The following KAZN variants were observed in gnomAD, a reference collection of about 807,000 sequenced individuals.
KAZN encodes kazrin.
KAZN carries 40 observed loss-of-function variants against 87.4 expected under a neutral mutation model. That is an observed-to-expected ratio of 0.46 (90% confidence interval 0.36 to 0.60). The LOEUF is 0.60. Ranked by LOEUF, KAZN falls within the 20% of genes least tolerant of loss-of-function variation. KAZN has a pLI of 0.00. For synonymous variants in KAZN, 466 were observed against 458.3 expected (o/e 1.02, Z -0.22); for missense variants, 898 against 1,073.9 (o/e 0.84, Z 2.29).
At chr1:14,358,042 C>T (rs1659184837) in intron 2 of KAZN, among the ~76,000 whole-genome samples, 1 of 152,298 alleles carries the variant, frequency 6.6e-6, no homozygotes, top group East Asian at 1.9e-4. Flanking sequence ...AGCTGTGAAT[C>T]CATCTGCTCC....
intron 1 of KAZN, among the ~76,000 whole-genome samples, chr1:14,123,034 A>G (rs1570791474): frequency 6.6e-6 from 1 of 152,308 alleles, no homozygotes; most frequent in Non-Finnish European, 1.5e-5. Context: ...AAAATCCAGA[A>G]AAGATGTAAA....
At chr1:14,989,643 C>T (rs1278598419) in intron 2 of KAZN, among the ~76,000 whole-genome samples, 1 of 152,184 alleles carries the variant, frequency 6.6e-6, no homozygotes, top group Non-Finnish European at 1.5e-5. Context: ...TACTCAGCCC[C>T]TCTGTGACTC....
At chr1:14,705,083 G>T (rs1039817752) in intron 1 of KAZN, among the ~76,000 whole-genome samples, 1 of 152,146 alleles carries the variant, frequency 6.6e-6, no homozygotes, top group Non-Finnish European at 1.5e-5. Flanking sequence ...GAGGCTGAAG[G>T]TCCAAGATCA....
chr1:14,221,064 C>T (rs563376763), intron 2 of KAZN, among the ~76,000 whole-genome samples: 3 of 152,242 alleles, frequency 2.0e-5, no homozygotes, highest in African/African-American at 7.2e-5. Context: ...AAGGAGTTCA[C>T]TGTCTAGGTC....
Position 14,066,138 on chromosome 1 carries a change from G to A in KAZN, c.92-114297G>A, listed in dbSNP as rs539912758. On this transcript the variant is annotated intron_variant, in intron 1 of 16. Coordinates refer to the KAZN transcript ENST00000636203. ...AATAATGGCCTCCAGCTACATCCAA[G>A]TTGCTGCAAACATCATTATTTCATC... Among the ~76,000 whole-genome samples, 7 of 152,190 alleles carry A rather than the reference G, an allele frequency of 4.6e-5. 1 individual carries two copies. In the South Asian group the frequency reaches 1.5e-3, roughly 32 times the overall value.
chr1:15,082,901 GCTGGT>G (rs940306437), intron 8 of KAZN, among the ~76,000 whole-genome samples: 1 of 152,118 alleles, frequency 6.6e-6, no homozygotes, highest in African/African-American at 2.4e-5. Context: ...TGTTGGCTAG[GCTGGT>G]CTCGAACTCC....
intron 1 of KAZN, among the ~76,000 whole-genome samples, chr1:14,114,148 A>G (rs1307544763): frequency 6.6e-6 from 1 of 152,234 alleles, no homozygotes; most frequent in Non-Finnish European, 1.5e-5. Context: ...GCAGAGCTGC[A>G]TGGGAAGCAT....
At chr1:14,410,659 A>G (rs1268212562) in intron 2 of KAZN, among the ~76,000 whole-genome samples, 2 of 152,226 alleles carry the variant, frequency 1.3e-5, no homozygotes, top group Non-Finnish European at 2.9e-5. Context: ...CCTGAATACA[A>G]TCAGAACTGT....
intron 1 of KAZN, among the ~76,000 whole-genome samples, chr1:14,852,604 T>C (rs1443371399): frequency 6.6e-6 from 1 of 152,144 alleles, no homozygotes; most frequent in African/African-American, 2.4e-5. Context: ...TGGGCGGACT[T>C]CCAAAGGGCC....
At chr1:14,248,785 G>A (rs929259315) in intron 2 of KAZN, among the ~76,000 whole-genome samples, 4 of 152,218 alleles carry the variant, frequency 2.6e-5, no homozygotes, top group African/African-American at 7.2e-5. Context: ...TCAAGGCAGT[G>A]TTGTAAAGAG....
chr1:14,738,999 C>T (rs550715483), intron 1 of KAZN, among the ~76,000 whole-genome samples: 1 of 152,200 alleles, frequency 6.6e-6, no homozygotes, highest in African/African-American at 2.4e-5. Context: ...CTAGTGAAAC[C>T]TCATCTCTAT....
At chr1:14,656,500 A>G (rs578141210) in intron 1 of KAZN, among the ~76,000 whole-genome samples, 180 of 152,326 alleles carry the variant, frequency 1.2e-3, no homozygotes, top group Non-Finnish European at 1.9e-3. Context: ...CTCACATTGT[A>G]TTAGTCCGTT....
At chr1:13,936,436 T>G (rs933495936) in intron 1 of KAZN, among the ~76,000 whole-genome samples, 3 of 152,102 alleles carry the variant, frequency 2.0e-5, no homozygotes, top group Non-Finnish European at 4.4e-5. Context: ...ATATATTGTG[T>G]AGTGGTAAAG....
intron 1 of KAZN, among the ~76,000 whole-genome samples, chr1:14,150,272 A>G (rs915380220): frequency 2.2e-4 from 33 of 152,324 alleles, no homozygotes; most frequent in Middle Eastern, 6.8e-3. Flanking sequence ...ACTACCATGA[A>G]TAGCTTAGCT....
At chr1:14,982,841 G>T (rs1471717117) in intron 2 of KAZN, among the ~76,000 whole-genome samples, 1 of 152,172 alleles carries the variant, frequency 6.6e-6, no homozygotes, top group African/African-American at 2.4e-5. Context: ...TGAATTTCCA[G>T]ATATCTTCCT....
chr1:13,964,819 C>T (rs146287210), intron 1 of KAZN, among the ~76,000 whole-genome samples: 5 of 152,164 alleles, frequency 3.3e-5, no homozygotes, highest in Non-Finnish European at 7.4e-5. Context: ...TAATTGTGGT[C>T]ACTCTTGCAG....
chr1:14,747,120 T>A (rs994083346), intron 1 of KAZN, among the ~76,000 whole-genome samples: 1 of 152,220 alleles, frequency 6.6e-6, no homozygotes, highest in Non-Finnish European at 1.5e-5. Context: ...ACGTAACATA[T>A]TGTCCTCAAG....
At chr1:14,989,347 A>G (rs1667133136) in intron 2 of KAZN, among the ~76,000 whole-genome samples, 1 of 152,178 alleles carries the variant, frequency 6.6e-6, no homozygotes, top group Admixed American at 6.5e-5. Context: ...TTGGTGGTGC[A>G]CACCTGAAAT....
chr1:14,997,845 C>T (rs142657735), intron 2 of KAZN, among the ~76,000 whole-genome samples: 5 of 152,304 alleles, frequency 3.3e-5, no homozygotes, highest in East Asian at 3.9e-4. Context: ...ACCTCAGCTC[C>T]GCTACTTAGT....
Sources: gnomAD v4.1 joint callset for allele counts (sites outside exome capture counted in the v4.1 genomes callset) on GRCh38, gnomAD v4.1.1 for gene constraint, MANE v1.5 for transcripts, NCBI Gene and HGNC (gene_info 2026-07-23, HGNC 2026-07-21) for gene names.